Variants in EDIL3 observed in about 807,000 individuals in gnomAD.
EDIL3 encodes the protein EGF like and discoidin domains 3, also known as EGF-like repeat and discoidin I-like domain-containing protein 3.
In EDIL3, 37 loss-of-function variants were observed where a neutral mutation model predicts 67.4. The observed-to-expected ratio is 0.55, with a 90% confidence interval of 0.42 to 0.72. The LOEUF (loss-of-function observed/expected upper bound fraction) is 0.72, where lower values mean the gene tolerates loss of function less well. Ranked by LOEUF, EDIL3 falls within the 30% of genes least tolerant of loss-of-function variation. EDIL3 has a pLI of 0.00. For missense variants in EDIL3, 527 were observed against 586.3 expected (o/e 0.90, Z 1.04); for synonymous variants, 195 against 196.3 (o/e 0.99, Z 0.05).
chr5:84,326,091 T>G (rs906052544), intron 1 of EDIL3, among the ~76,000 whole-genome samples: 8 of 152,162 alleles, frequency 5.3e-5, no homozygotes, highest in African/African-American at 1.9e-4. Context: ...TTGAGTTAGT[T>G]ATTGTAGGCG....
chr5:84,082,887 C>T (rs1746996809), intron 6 of EDIL3, among the ~76,000 whole-genome samples: 1 of 152,110 alleles, frequency 6.6e-6, no homozygotes. Context: ...GAATATTAGA[C>T]ATATTAGGAG....
chr5:84,003,647 C>T lies in EDIL3; in HGVS notation c.1138-40287G>A, dbSNP rs138768100. On this transcript the variant is annotated intron_variant, in intron 9 of 10. Coordinates refer to ENST00000296591, the MANE Select transcript of EDIL3 (RefSeq NM_005711.5). Reference sequence around the variant, plus strand: ...GCTAAGGAAAATCATTACCACCAGACCTCTATTACAAGAAGTACTTAAGGG... The same window carrying T: ...GCTAAGGAAAATCATTACCACCAGATCTCTATTACAAGAAGTACTTAAGGG... Among the ~76,000 whole-genome samples, 5 of 152,224 alleles carry T rather than the reference C, an allele frequency of 3.3e-5. No homozygotes were observed. The East Asian group carries it at 9.7e-4, about 29-fold the overall frequency.
At chr5:83,958,881 T>G (rs1282900198) in intron 10 of EDIL3, among the ~76,000 whole-genome samples, 1 of 151,372 alleles carries the variant, frequency 6.6e-6, no homozygotes, top group African/African-American at 2.4e-5. Flanking sequence ...GTACCTGAAT[T>G]AATGCTGTAG....
At chr5:83,946,647 C>T (rs748596640) in intron 10 of EDIL3, among the ~76,000 whole-genome samples, 6 of 151,848 alleles carry the variant, frequency 4.0e-5, no homozygotes, top group Non-Finnish European at 8.8e-5. Context: ...AGACGAGCTA[C>T]CATTCTTTGT....
intron 5 of EDIL3, among the ~76,000 whole-genome samples, chr5:84,123,775 T>A (rs1421780459): frequency 2.0e-5 from 3 of 151,884 alleles, no homozygotes; most frequent in Non-Finnish European, 4.4e-5. Flanking sequence ...TCTATCCAGC[T>A]CCTAAAATTT....
At chr5:84,318,875 A>T (rs1005674509) in intron 1 of EDIL3, among the ~76,000 whole-genome samples, 7 of 152,174 alleles carry the variant, frequency 4.6e-5, no homozygotes, top group African/African-American at 1.7e-4. Context: ...CAGACAACCT[A>T]CAGATTGGGA....
At chr5:84,253,353 G>A (rs368229755) in intron 2 of EDIL3, among the ~76,000 whole-genome samples, 1 of 152,040 alleles carries the variant, frequency 6.6e-6, no homozygotes, top group Non-Finnish European at 1.5e-5. Context: ...ACTTACCTGT[G>A]CTATTAACTT....
intron 9 of EDIL3, among the ~76,000 whole-genome samples, chr5:83,984,936 G>A (rs753377894): frequency 9.0e-5 from 11 of 122,094 alleles, no homozygotes; most frequent in South Asian, 2.9e-4. Context: ...GCACACACAC[G>A]TATGCAAACA....
At chr5:84,254,694 T>C (rs1017399229) in intron 1 of EDIL3, among the ~76,000 whole-genome samples, 1 of 152,128 alleles carries the variant, frequency 6.6e-6, no homozygotes. Context: ...ACAACAGAGA[T>C]TTGAAAAGCA....
At chr5:84,319,494 CAAAAAAAA>C (rs55738450) in intron 1 of EDIL3, among the ~76,000 whole-genome samples, 32 of 42,836 alleles carry the variant, frequency 7.5e-4, no homozygotes, top group Non-Finnish European at 1.0e-3. Flanking sequence ...CAAAAAACAA[CAAAAAAAA>C]AAAAAAAAAA....
intron 3 of EDIL3, among the ~76,000 whole-genome samples, chr5:84,216,275 C>T (rs532577396): frequency 8.5e-5 from 13 of 152,144 alleles, no homozygotes; most frequent in South Asian, 2.1e-4. Flanking sequence ...TTTTCATTTC[C>T]GATTCTATTC....
intron 9 of EDIL3, among the ~76,000 whole-genome samples, chr5:83,991,749 A>G (rs535851349): frequency 2.0e-5 from 3 of 152,268 alleles, no homozygotes; most frequent in South Asian, 4.1e-4. Flanking sequence ...TGACATATCC[A>G]TGGACTACAT....
chr5:84,100,177 A>C (rs1487667508), intron 6 of EDIL3, among the ~76,000 whole-genome samples: 1 of 152,182 alleles, frequency 6.6e-6, no homozygotes, highest in African/African-American at 2.4e-5. Flanking sequence ...GTGATTCCTT[A>C]AGGATCTAGA....
intron 1 of EDIL3, among the ~76,000 whole-genome samples, chr5:84,311,135 T>C (rs982483710): frequency 2.0e-5 from 3 of 152,146 alleles, no homozygotes; most frequent in Non-Finnish European, 4.4e-5. Flanking sequence ...TTTCCGGTTT[T>C]TTAATATAAA....
intron 10 of EDIL3, among the ~76,000 whole-genome samples, chr5:83,954,256 G>A (rs1208610813): frequency 4.0e-5 from 6 of 151,602 alleles, no homozygotes; most frequent in African/African-American, 1.5e-4. Context: ...GAAATAAAAT[G>A]GGTTGAAATT....
intron 6 of EDIL3, among the ~76,000 whole-genome samples, chr5:84,073,773 C>A (rs1384425643): frequency 6.6e-6 from 1 of 152,086 alleles, no homozygotes; most frequent in Non-Finnish European, 1.5e-5. Flanking sequence ...CCATACTGCC[C>A]AAGGTAATTT....
At chr5:84,093,658 CTT>C (rs374214744) in intron 6 of EDIL3, among the ~76,000 whole-genome samples, 13 of 117,810 alleles carry the variant, frequency 1.1e-4, no homozygotes, top group African/African-American at 2.6e-4. Flanking sequence ...CAGATGCAGC[CTT>C]TTTTTTTTTT....
intron 1 of EDIL3, among the ~76,000 whole-genome samples, chr5:84,281,896 T>C (rs1745711193): frequency 7.9e-6 from 1 of 127,292 alleles, no homozygotes; most frequent in African/African-American, 3.1e-5. Flanking sequence ...GGAGTCTCAC[T>C]CTGTCACCTG....
intron 1 of EDIL3, among the ~76,000 whole-genome samples, chr5:84,351,793 T>TA (rs898373311): frequency 4.4e-4 from 66 of 150,634 alleles, no homozygotes; most frequent in African/African-American, 1.1e-3. Context: ...GAAGTTAATC[T>TA]AAAAAAAAAC....
Sources: gnomAD v4.1 joint callset for allele counts (sites outside exome capture counted in the v4.1 genomes callset) on GRCh38, gnomAD v4.1.1 for gene constraint, MANE v1.5 for transcripts, NCBI Gene and HGNC (gene_info 2026-07-23, HGNC 2026-07-21) for gene names.